Variants in AHR observed in about 807,000 individuals in gnomAD.
AHR encodes the protein aryl hydrocarbon receptor, also known as AH-receptor.
In AHR, 40 loss-of-function variants were observed where a neutral mutation model predicts 86.8. The ratio of observed to expected loss-of-function variants is 0.46; its 90% confidence interval spans 0.36 to 0.60. AHR has a LOEUF of 0.60. Among genes scored for constraint, AHR ranks in the 20% least tolerant of loss-of-function variants. The pLI, the probability that AHR is intolerant of heterozygous loss-of-function variation, is 0.00. For synonymous variants in AHR, 398 were observed against 354.9 expected (o/e 1.12, Z -1.37); for missense variants, 1,001 against 1,011.6 (o/e 0.99, Z 0.14).
chr7:17,320,353 C>A (rs1584034948), intron 2 of AHR, among the ~76,000 whole-genome samples: 1 of 151,984 alleles, frequency 6.6e-6, no homozygotes, highest in East Asian at 1.9e-4. Flanking sequence ...TCTTTCATTG[C>A]TTAGTCATCT....
At position 17,338,469 on chromosome 7, in the gene AHR, C is replaced by G. The variant is rs1344868995; in HGVS notation, c.1161-517C>G. On this transcript the variant is annotated intron_variant, in intron 9 of 10. Coordinates refer to ENST00000242057, the MANE Select transcript of AHR (RefSeq NM_001621.5). ...CTCCAGGCTCAGGCAGTCCTCCTGCCTCAGACTCCAGAGTAGCTGAAGACT... is the reference window on the plus strand; with the variant it reads ...CTCCAGGCTCAGGCAGTCCTCCTGCGTCAGACTCCAGAGTAGCTGAAGACT... 3.3e-5 allele frequency among the ~76,000 whole-genome samples: 5 copies of G among 152,108 alleles called. No individual in the cohort carries two copies. The East Asian group carries it at 9.6e-4, about 29-fold the overall frequency.
chr7:17,341,342 T>C (rs1484616192), intron 10 of AHR, among the ~76,000 whole-genome samples: 1 of 152,196 alleles, frequency 6.6e-6, no homozygotes, highest in Non-Finnish European at 1.5e-5. Context: ...TTATAGTCCG[T>C]CTCACAAAAT....
chr7:17,306,351 GA>G (rs1782005689), intron 1 of AHR, among the ~76,000 whole-genome samples: 1 of 152,090 alleles, frequency 6.6e-6, no homozygotes, highest in South Asian at 2.1e-4. Context: ...CAAAATCAGT[GA>G]AAAAGTGGGT....
chr7:17,315,238 A>G (rs915099938), intron 2 of AHR, among the ~76,000 whole-genome samples: 2 of 152,018 alleles, frequency 1.3e-5, no homozygotes, highest in African/African-American at 4.8e-5. Flanking sequence ...TCAGGAATTT[A>G]ATCTCTCTTT....
chr7:17,335,105 C>T, intron 8 of AHR, 109 bp downstream of exon 8: 1 of 684,936 alleles, frequency 1.5e-6, no homozygotes. Flanking sequence ...TATGGATAAA[C>T]TTCTACTTAG....
chr7:17,333,590 C>T (rs1332652294), intron 6 of AHR, among the ~76,000 whole-genome samples: 3 of 151,748 alleles, frequency 2.0e-5, no homozygotes, highest in Non-Finnish European at 4.4e-5. Context: ...ATATTGATTG[C>T]CTGGTGTGCA....
intron 1 of AHR, among the ~76,000 whole-genome samples, chr7:17,300,396 T>C (rs1781942891): frequency 6.6e-6 from 1 of 152,254 alleles, no homozygotes. Flanking sequence ...TGCATTTTGC[T>C]TAGACTCCAA....
chr7:17,329,656 C>T (rs1437074438), intron 4 of AHR, among the ~76,000 whole-genome samples: 1 of 151,892 alleles, frequency 6.6e-6, no homozygotes, highest in Non-Finnish European at 1.5e-5. Flanking sequence ...GAATATGGAA[C>T]ATAAACAGAT....
rs533269895 is a variant in AHR at position 17,339,330 on chromosome 7, C to T, written c.1505C>T (p.Pro502Leu). 11 of 1,614,084 alleles carry T rather than the reference C, an allele frequency of 6.8e-6. No homozygotes were observed. Among genetic ancestry groups the T allele is most frequent in the South Asian group, 2.2e-5 (2 of 91,064 alleles). ...ECRNWQDNTAPMGNDTILKHE... is the reference protein window; with the variant it reads ...ECRNWQDNTALMGNDTILKHE... ...AGAAATTGGCAAGATAATACTGCAC[C>T]GATGGGAAATGATACTATCCTGAAA... is the stretch of plus-strand genomic sequence containing the variant. The change falls in exon 10 of 11, where the codon CCG (proline) becomes CTG (leucine). Residue 502 changes from proline to leucine, a missense_variant. Transcript: ENST00000242057.
rs368818841 is a variant in AHR at position 17,309,978 on chromosome 7, C to G, written c.108C>G (p.Ser36=). The change falls in exon 2 of 11, where the codon TCC becomes TCG. Residue 36 remains serine, a synonymous_variant. Transcript: ENST00000242057. Reference sequence around the variant, plus strand: ...CTGAAGGAATCAAGTCAAATCCTTCCAAGCGGCATAGAGACCGACTTAATA... The same window carrying G: ...CTGAAGGAATCAAGTCAAATCCTTCGAAGCGGCATAGAGACCGACTTAATA... ...IPAEGIKSNP[S]KRHRDRLNTE... 6.2e-6 allele frequency: 10 copies of G among 1,605,154 alleles called. 1 individual carries two copies. The African/African-American group carries it at 1.2e-4, about 19-fold the overall frequency.
intron 2 of AHR, among the ~76,000 whole-genome samples, chr7:17,310,811 C>T (rs925008958): frequency 9.2e-5 from 14 of 152,188 alleles, no homozygotes; most frequent in African/African-American, 3.4e-4. Context: ...GCTGGGATTA[C>T]AGGCATGAGC....
intron 2 of AHR, among the ~76,000 whole-genome samples, chr7:17,317,184 C>A (rs564216630): frequency 7.7e-6 from 1 of 130,600 alleles, no homozygotes; most frequent in South Asian, 2.6e-4. Flanking sequence ...AATTGAGAAT[C>A]CCTTTGTTTA....
At position 17,345,956 on chromosome 7, in the gene AHR, T is replaced by A. The variant is rs1782479553; in HGVS notation, c.*2892T>A. Reference sequence around the variant, plus strand: ...CCAGTATTCTAGTGTATTATGAAGCTTTCAACATTACTATGCACAAACTAG... The same window carrying A: ...CCAGTATTCTAGTGTATTATGAAGCATTCAACATTACTATGCACAAACTAG... On this transcript the variant is annotated 3_prime_UTR_variant, in exon 11 of 11. Coordinates refer to ENST00000242057, the MANE Select transcript of AHR (RefSeq NM_001621.5). 1.3e-5 allele frequency: 2 copies of A among 152,732 alleles called. No individual in the cohort carries two copies. The highest frequency in any genetic ancestry group is 4.8e-5 in the African/African-American group (2 of 41,444). The allele number at this position is 152,732 out of a possible 1,614,324, so 9.5% of individuals were successfully genotyped here.
intron 2 of AHR, among the ~76,000 whole-genome samples, chr7:17,321,762 T>C (rs1049380884): frequency 6.6e-5 from 10 of 151,976 alleles, no homozygotes; most frequent in African/African-American, 2.4e-4. Context: ...CAAGATGTAA[T>C]ACCTAGGAGT....
At chr7:17,338,265 T>C (rs1259738704) in intron 9 of AHR, among the ~76,000 whole-genome samples, 1 of 60,416 alleles carries the variant, frequency 1.7e-5, no homozygotes. Context: ...TTCATATTAT[T>C]ATGCCAATCT....
chr7:17,335,557 A>T, intron 8 of AHR, 88 bp from the exon 9 acceptor site: 2 of 1,139,152 alleles, frequency 1.8e-6, no homozygotes, highest in Non-Finnish European at 2.4e-6. Context: ...ATACATCCAG[A>T]ACTATGTCAC....
At chr7:17,342,337 T>C (rs1782435170) in intron 10 of AHR, among the ~76,000 whole-genome samples, 1 of 152,164 alleles carries the variant, frequency 6.6e-6, no homozygotes, top group Non-Finnish European at 1.5e-5. Flanking sequence ...TTTGGTAACT[T>C]GATTCTGTAA....
At chr7:17,331,398 G>A (rs1201715130) in intron 6 of AHR, among the ~76,000 whole-genome samples, 1 of 151,882 alleles carries the variant, frequency 6.6e-6, no homozygotes, top group Non-Finnish European at 1.5e-5. Flanking sequence ...ACATTTTAAA[G>A]TAATTATTTC....
intron 1 of AHR, among the ~76,000 whole-genome samples, chr7:17,301,802 T>C (rs919666715): frequency 2.0e-5 from 3 of 151,962 alleles, no homozygotes; most frequent in African/African-American, 7.2e-5. Flanking sequence ...TCCTTTCTTT[T>C]TGGAGTAATG....
Sources: allele counts gnomAD v4.1 joint callset (sites outside exome capture counted in the v4.1 genomes callset), GRCh38; gene constraint gnomAD v4.1.1; transcripts MANE v1.5; gene names NCBI Gene and HGNC (gene_info 2026-07-23, HGNC 2026-07-21).